The following FAM178B variants were observed in gnomAD, a reference collection of about 807,000 sequenced individuals.
FAM178B encodes the protein family with sequence similarity 178 member B.
In FAM178B, 82 loss-of-function variants were observed where a neutral mutation model predicts 91.7. The observed-to-expected ratio is 0.89, with a 90% CI of 0.75 to 1.07. FAM178B has a LOEUF of 1.07. Ranked by LOEUF, FAM178B falls within the 50% of genes least tolerant of loss-of-function variation. The probability of loss-of-function intolerance (pLI) is 0.00; values close to 1 mark genes in which losing one functional copy is unlikely to be tolerated. For missense variants in FAM178B, 769 were observed against 846.7 expected, an observed-to-expected ratio of 0.91 and a Z score of 1.14; for synonymous variants, 368 against 359.4, an observed-to-expected ratio of 1.02 and a Z score of -0.27.
chr2:96,935,091 G>A (rs1312158807), intron 8 of FAM178B, among the ~76,000 whole-genome samples: 2 of 152,132 alleles, frequency 1.3e-5, no homozygotes, highest in African/African-American at 4.8e-5. Context: ...GAGCGACATT[G>A]TGCCAAACCA....
intron 9 of FAM178B, among the ~76,000 whole-genome samples, chr2:96,925,218 C>T (rs2081416946): frequency 6.6e-6 from 1 of 152,164 alleles, no homozygotes; most frequent in Admixed American, 6.5e-5. Flanking sequence ...CTACAAACAT[C>T]TGCAGAAGAG....
intron 10 of FAM178B, among the ~76,000 whole-genome samples, chr2:96,922,588 G>T (rs1019522450): frequency 5.3e-5 from 8 of 152,332 alleles, no homozygotes; most frequent in South Asian, 2.1e-4. Flanking sequence ...AACTGCAGGT[G>T]ATTCACCCAC....
At chr2:96,901,448 A>G (rs2153369258) in intron 13 of FAM178B, among the ~76,000 whole-genome samples, 1 of 152,248 alleles carries the variant, frequency 6.6e-6, no homozygotes, top group South Asian at 2.1e-4. Context: ...TGCTGGGATT[A>G]CAGGCGTGAG....
chr2:96,901,242 G>A (rs866548429), intron 13 of FAM178B, among the ~76,000 whole-genome samples: 3 of 150,008 alleles, frequency 2.0e-5, no homozygotes, highest in Non-Finnish European at 3.0e-5. Context: ...GCGCGATCTC[G>A]GCTCACTGCA....
At chr2:96,949,339 A>C (rs922762597) in intron 7 of FAM178B, among the ~76,000 whole-genome samples, 16 of 152,128 alleles carry the variant, frequency 1.1e-4, no homozygotes, top group Admixed American at 9.8e-4. Flanking sequence ...CTGGGACCCC[A>C]CTTCCCGAGT....
At chr2:96,938,406 G>C (rs1057244092) in intron 8 of FAM178B, among the ~76,000 whole-genome samples, 1 of 152,186 alleles carries the variant, frequency 6.6e-6, no homozygotes, top group Admixed American at 6.5e-5. Flanking sequence ...GGAGACTCTG[G>C]AGATGCCTGC....
intron 1 of FAM178B, among the ~76,000 whole-genome samples, chr2:96,976,003 T>C (rs2082282991): frequency 6.6e-6 from 1 of 152,134 alleles, no homozygotes; most frequent in Non-Finnish European, 1.5e-5. Context: ...CAGAACACTT[T>C]ACCCCACAAC....
intron 1 of FAM178B, chr2:96,977,794 A>G (rs1188061300): frequency 8.8e-6 from 4 of 456,088 alleles, no homozygotes; most frequent in East Asian, 1.4e-4. Flanking sequence ...GTAAGAGCCC[A>G]CTAAGTTTAG....
intron 1 of FAM178B, among the ~76,000 whole-genome samples, chr2:96,977,270 C>T (rs1194913152): frequency 2.1e-5 from 3 of 145,210 alleles, no homozygotes; most frequent in African/African-American, 5.1e-5. Flanking sequence ...CTGTAATCCC[C>T]GCTATTCAGC....
intron 7 of FAM178B, among the ~76,000 whole-genome samples, chr2:96,948,954 C>T (rs957704360): frequency 6.6e-6 from 1 of 152,230 alleles, no homozygotes; most frequent in Non-Finnish European, 1.5e-5. Context: ...ACGCCCCCCC[C>T]AGTAAGCCTG....
intron 1 of FAM178B, among the ~76,000 whole-genome samples, chr2:96,973,596 G>C (rs773489311): frequency 1.6e-4 from 25 of 152,080 alleles, no homozygotes; most frequent in Non-Finnish European, 3.7e-4. Flanking sequence ...ATGATCAAAG[G>C]AAATCGCAGT....
chr2:96,971,261 C>G (rs1234978014), intron 3 of FAM178B, among the ~76,000 whole-genome samples: 1 of 143,282 alleles, frequency 7.0e-6, no homozygotes, highest in East Asian at 2.1e-4. Context: ...CTCCCTCCCT[C>G]TCTCTCCTTC....
At chr2:96,899,891 GCT>G (rs2080894352) in intron 13 of FAM178B, among the ~76,000 whole-genome samples, 1 of 136,202 alleles carries the variant, frequency 7.3e-6, no homozygotes, top group African/African-American at 2.8e-5. Flanking sequence ...AAGGTGTCTG[GCT>G]CTGTTGCCCA....
Position 96,929,254 on chromosome 2 carries a change from G to A in FAM178B, c.1145C>T (p.Ala382Val). 1 of 1,551,636 alleles carries A rather than the reference G, an allele frequency of 6.4e-7. No homozygotes were observed. Reference protein sequence around the residue: ...EVREAFHSLGAHSPALYPLGP... With the variant: ...EVREAFHSLGVHSPALYPLGP... ...CAGAGGGTACAGGGCAGGACTGTGG[G>A]CACCCAGGCTGTGGAATGCCTCCCT... Residue 382 changes from alanine to valine, a missense_variant, in exon 9 of 17, where the codon GCC becomes GTC. Coordinates refer to ENST00000490605, the MANE Select transcript of FAM178B (RefSeq NM_001122646.3).
chr2:96,889,676 T>TCAAA (rs1426362923), intron 14 of FAM178B, among the ~76,000 whole-genome samples: 1 of 98,006 alleles, frequency 1.0e-5, no homozygotes, highest in African/African-American at 4.3e-5. Context: ...AGACTCTGTC[T>TCAAA]CAAATAAATA....
chr2:96,968,749 C>T (rs1033376170), intron 4 of FAM178B, among the ~76,000 whole-genome samples: 10 of 152,172 alleles, frequency 6.6e-5, no homozygotes, highest in Non-Finnish European at 1.2e-4. Flanking sequence ...CCTTCCCATC[C>T]CTTCTCCAAA....
chr2:96,917,055 T>A (rs2081252500), intron 12 of FAM178B, among the ~76,000 whole-genome samples: 1 of 152,140 alleles, frequency 6.6e-6, no homozygotes, highest in Non-Finnish European at 1.5e-5. Flanking sequence ...CAATCAGGGA[T>A]GACGGCCAGA....
At chr2:96,977,194 C>CAAAAAAAA (rs70964891) in intron 1 of FAM178B, among the ~76,000 whole-genome samples, 1 of 38,522 alleles carries the variant, frequency 2.6e-5, no homozygotes, top group Non-Finnish European at 4.6e-5. Flanking sequence ...GACTCTGTCT[C>CAAAAAAAA]AAAAAAAAAA....
rs749263018 is a variant in FAM178B at position 96,877,882 on chromosome 2, G to A, written c.2007+8C>T. 31 of 1,612,020 alleles carry A rather than the reference G, an allele frequency of 1.9e-5. No homozygotes were observed. The highest frequency in any genetic ancestry group is 2.6e-5 in the Non-Finnish European group (31 of 1,179,852). On this transcript the variant is annotated splice_region_variant and intron_variant, in intron 16 of 16. Transcript: ENST00000490605. The stretch of plus-strand genomic sequence containing the variant: ...CCTCCCAGGTCTGGGGGCTAGAGGG[G>A]GCACCACCTGGGGCTGGCAGTGGGT...
Sources: gnomAD v4.1 joint callset for allele counts (sites outside exome capture counted in the v4.1 genomes callset) on GRCh38, gnomAD v4.1.1 for gene constraint, MANE v1.5 for transcripts, NCBI Gene and HGNC (gene_info 2026-07-23, HGNC 2026-07-21) for gene names.